Variants in DENND2C observed in about 807,000 individuals in gnomAD.
The protein encoded by DENND2C is DENN domain-containing protein 2C.
Under a neutral mutation model 112.4 loss-of-function variants are expected in DENND2C, and 72 were observed. The observed-to-expected ratio is 0.64, with a 90% CI of 0.53 to 0.78. DENND2C has a LOEUF of 0.78. Among genes scored for constraint, DENND2C ranks in the 30% least tolerant of loss-of-function variants. The pLI, the probability that DENND2C is intolerant of heterozygous loss-of-function variation, is 0.00. For missense variants in DENND2C, 992 were observed against 1,113.8 expected (o/e 0.89, Z 1.56); for synonymous variants, 329 against 381.6 (o/e 0.86, Z 1.61).
Position 114,645,551 on chromosome 1 carries a change from C to T in DENND2C, c.-308G>A, listed in dbSNP as rs1391700683. On this transcript the variant is annotated 5_prime_UTR_variant, in exon 3 of 21. Coordinates refer to ENST00000393274, the MANE Select transcript of DENND2C (RefSeq NM_001256404.2). Reference sequence around the variant, plus strand: ...ATCTGCGGTATTTGGTTATGGTAGACCTAGCAAACTAATACAAAAGGCCAC... The same window carrying T: ...ATCTGCGGTATTTGGTTATGGTAGATCTAGCAAACTAATACAAAAGGCCAC... 1.3e-5 allele frequency: 2 copies of T among 152,074 alleles called. No homozygotes were observed. Among genetic ancestry groups the T allele is most frequent in the Non-Finnish European group, 2.9e-5 (2 of 68,020 alleles). The allele number at this position is 152,074 out of a possible 1,614,324, so 9.4% of individuals were successfully genotyped here.
chr1:114,594,427 C>G, intron 18 of DENND2C, 46 bp downstream of exon 18: 1 of 1,477,472 alleles, frequency 6.8e-7, no homozygotes, highest in Non-Finnish European at 9.5e-7. Context: ...TAAATATTTA[C>G]TACCTTAACC....
intron 18 of DENND2C, among the ~76,000 whole-genome samples, chr1:114,591,080 C>G (rs1171923738): frequency 6.6e-6 from 1 of 152,044 alleles, no homozygotes; most frequent in Non-Finnish European, 1.5e-5. Flanking sequence ...GATCCTTCCA[C>G]CCAAGCCTCC....
chr1:114,641,608 C>T (rs954983112), intron 3 of DENND2C, among the ~76,000 whole-genome samples: 4 of 152,160 alleles, frequency 2.6e-5, no homozygotes, highest in African/African-American at 7.2e-5. Flanking sequence ...TCTCCTCCCC[C>T]TTCACTTTCC....
intron 8 of DENND2C, among the ~76,000 whole-genome samples, chr1:114,615,389 A>C (rs1202657265): frequency 2.0e-5 from 3 of 152,246 alleles, no homozygotes; most frequent in African/African-American, 7.2e-5. Context: ...TGATGATAGA[A>C]AAAGATAAGC....
chr1:114,659,845 G>C (rs1570818563), intron 1 of DENND2C, among the ~76,000 whole-genome samples: 1 of 132,750 alleles, frequency 7.5e-6, no homozygotes, highest in Admixed American at 7.9e-5. Context: ...AGGATGCAGT[G>C]CACTGGCATA....
chr1:114,637,464 A>C (rs996526249), intron 3 of DENND2C, among the ~76,000 whole-genome samples: 2 of 152,152 alleles, frequency 1.3e-5, no homozygotes, highest in Admixed American at 1.3e-4. Flanking sequence ...TGGAGTAAAA[A>C]ATAAAGAATA....
chr1:114,608,003 G>A (rs971262585), intron 10 of DENND2C, among the ~76,000 whole-genome samples: 1 of 152,154 alleles, frequency 6.6e-6, no homozygotes, highest in Non-Finnish European at 1.5e-5. Context: ...AAGACACAAC[G>A]TGGTGGCTCA....
chr1:114,599,550 G>A, intron 15 of DENND2C, 99 bp from the exon 16 acceptor site: 2 of 994,114 alleles, frequency 2.0e-6, no homozygotes, highest in Non-Finnish European at 2.7e-6. Context: ...GCTGGTTAGT[G>A]ATCATAGATT....
intron 8 of DENND2C, among the ~76,000 whole-genome samples, chr1:114,612,852 G>A (rs1655861541): frequency 6.6e-6 from 1 of 151,692 alleles, no homozygotes; most frequent in African/African-American, 2.4e-5. Flanking sequence ...GTAGAGACGG[G>A]GTTTCGTCAT....
chr1:114,598,260 A>G (rs1057472313), intron 16 of DENND2C, among the ~76,000 whole-genome samples: 17 of 152,188 alleles, frequency 1.1e-4, no homozygotes, highest in Non-Finnish European at 2.2e-4. Context: ...ATTGTGGTAC[A>G]TTCACACAAT....
At chr1:114,603,471 C>T (rs911906637) in intron 11 of DENND2C, among the ~76,000 whole-genome samples, 5 of 150,702 alleles carry the variant, frequency 3.3e-5, no homozygotes, top group Admixed American at 3.3e-4. Flanking sequence ...TCTCACTGAA[C>T]AGAACTTAAT....
chr1:114,638,921 G>GA (rs1294875841), intron 3 of DENND2C, among the ~76,000 whole-genome samples: 3 of 151,898 alleles, frequency 2.0e-5, no homozygotes, highest in African/African-American at 7.3e-5. Flanking sequence ...CACAGACTGG[G>GA]AAAAAATATC....
chr1:114,591,133 T>C (rs768455062), intron 18 of DENND2C, among the ~76,000 whole-genome samples: 1 of 152,114 alleles, frequency 6.6e-6, no homozygotes, highest in Non-Finnish European at 1.5e-5. Context: ...TCCTGGCTAA[T>C]GTTTTAATTT....
At chr1:114,633,224 A>C (rs1656544004) in intron 3 of DENND2C, among the ~76,000 whole-genome samples, 1 of 152,024 alleles carries the variant, frequency 6.6e-6, no homozygotes, top group African/African-American at 2.4e-5. Flanking sequence ...AGGCAGGTGG[A>C]TCTTGAGGTC....
At position 114,585,328 on chromosome 1, in the gene DENND2C, C is replaced by T; in HGVS notation, c.*272G>A. The T allele has an allele frequency of 2.5e-6, 1 of 396,524 alleles. No homozygotes were observed. The highest frequency in any genetic ancestry group is 4.6e-6 in the Non-Finnish European group (1 of 218,658). The allele number at this position is 396,524 out of a possible 1,614,324, so 24.6% of individuals were successfully genotyped here. A position where few individuals can be genotyped will look rare whatever the true frequency, so the allele number is the denominator to read the frequency against. ...CTACTTTCACAGACAAAGCACAAAA[C>T]AGAGAATGAGCCCAAGAATCACATA... On this transcript the variant is annotated 3_prime_UTR_variant, in exon 21 of 21. Transcript: ENST00000393274.
At chr1:114,653,785 A>T (rs1657233819) in intron 2 of DENND2C, among the ~76,000 whole-genome samples, 1 of 152,204 alleles carries the variant, frequency 6.6e-6, no homozygotes, top group Non-Finnish European at 1.5e-5. Context: ...GATGATGCAG[A>T]GATATCACTT....
chr1:114,653,135 G>A (rs1657216735), intron 2 of DENND2C, among the ~76,000 whole-genome samples: 1 of 151,656 alleles, frequency 6.6e-6, no homozygotes. Flanking sequence ...TTGAGACAGA[G>A]TCTCACTTTG....
intron 3 of DENND2C, among the ~76,000 whole-genome samples, chr1:114,640,687 G>A (rs1656812738): frequency 6.6e-6 from 1 of 152,232 alleles, no homozygotes; most frequent in Non-Finnish European, 1.5e-5. Context: ...TCTACAGCTA[G>A]ATCAACTTCA....
chr1:114,601,372 A>C, intron 13 of DENND2C, 136 bp downstream of exon 13: 1 of 800,286 alleles, frequency 1.2e-6, no homozygotes, highest in Non-Finnish European at 2.0e-6. Flanking sequence ...TAGAGATGTA[A>C]GTTTAAGCCT....
Sources: allele counts gnomAD v4.1 joint callset (sites outside exome capture counted in the v4.1 genomes callset), GRCh38; gene constraint gnomAD v4.1.1; transcripts MANE v1.5; gene names NCBI Gene and HGNC (gene_info 2026-07-23, HGNC 2026-07-21).